The following SNTG1 variants were observed in gnomAD, a reference collection of about 807,000 sequenced individuals.
SNTG1 encodes syntrophin gamma 1, also known as gamma-1-syntrophin.
In SNTG1, 39 loss-of-function variants were observed where a neutral mutation model predicts 74.7. That is an observed-to-expected ratio of 0.52 (90% CI 0.40 to 0.68). SNTG1 has a LOEUF of 0.68. Among genes scored for constraint, SNTG1 ranks in the 30% least tolerant of loss-of-function variants. The pLI, the probability that SNTG1 is intolerant of heterozygous loss-of-function variation, is 0.00. For missense variants in SNTG1, 685 were observed against 609.5 expected, an observed-to-expected ratio of 1.12 and a Z score of -1.30; for synonymous variants, 254 against 217.1, an observed-to-expected ratio of 1.17 and a Z score of -1.49.
intron 1 of SNTG1, among the ~76,000 whole-genome samples, chr8:50,114,855 C>T (rs2080750121): frequency 6.6e-6 from 1 of 152,054 alleles, no homozygotes; most frequent in East Asian, 1.9e-4. Flanking sequence ...CAGAGTGAGA[C>T]TCCATCTCTA....
chr8:50,621,521 T>C lies in SNTG1; in HGVS notation c.849+30604T>C, dbSNP rs1490922133. Reference sequence around the variant, plus strand: ...TTAGAGTTAATAAAAAGCAAAGATATCAATTGCTTTCTAGTTATTTTTAGA... The same window carrying C: ...TTAGAGTTAATAAAAAGCAAAGATACCAATTGCTTTCTAGTTATTTTTAGA... On this transcript the variant is annotated intron_variant, in intron 13 of 18. Transcript: ENST00000642720. 3.3e-5 allele frequency among the ~76,000 whole-genome samples: 5 copies of C among 152,244 alleles called. 1 individual carries two copies. The highest frequency in any genetic ancestry group is 7.3e-5 in the Non-Finnish European group (5 of 68,046).
At chr8:50,406,042 T>G (rs2092871064) in intron 4 of SNTG1, among the ~76,000 whole-genome samples, 1 of 152,158 alleles carries the variant, frequency 6.6e-6, no homozygotes, top group South Asian at 2.1e-4. Context: ...CCTTAAGATC[T>G]CAAATAAATT....
At chr8:50,247,996 T>C (rs1429163462) in intron 2 of SNTG1, among the ~76,000 whole-genome samples, 1 of 152,160 alleles carries the variant, frequency 6.6e-6, no homozygotes, top group Non-Finnish European at 1.5e-5. Flanking sequence ...GGCTTATATA[T>C]GGTTATGGTC....
chr8:50,355,071 G>A (rs1377664822), intron 2 of SNTG1, among the ~76,000 whole-genome samples: 1 of 152,114 alleles, frequency 6.6e-6, no homozygotes, highest in African/African-American at 2.4e-5. Flanking sequence ...TGAGTTCGGG[G>A]AGGTGTGGAA....
intron 1 of SNTG1, among the ~76,000 whole-genome samples, chr8:50,030,569 C>T (rs1817658005): frequency 6.6e-6 from 1 of 151,800 alleles, no homozygotes; most frequent in African/African-American, 2.4e-5. Context: ...CTATGGATAG[C>T]CAATTGTTCT....
intron 18 of SNTG1, among the ~76,000 whole-genome samples, chr8:50,787,736 G>C (rs996111244): frequency 6.6e-6 from 1 of 151,922 alleles, no homozygotes; most frequent in Non-Finnish European, 1.5e-5. Context: ...AGTGAACGTA[G>C]ATAATCACAA....
chr8:50,487,032 G>A (rs143552944), intron 8 of SNTG1, among the ~76,000 whole-genome samples: 3,516 of 152,240 alleles, frequency 0.023, 125 homozygotes, highest in African/African-American at 0.077. Context: ...GCTTTTTGAT[G>A]TGCTGCTGGA....
At chr8:50,508,848 A>C (rs2094035585) in intron 9 of SNTG1, among the ~76,000 whole-genome samples, 1 of 150,368 alleles carries the variant, frequency 6.7e-6, no homozygotes, top group African/African-American at 2.4e-5. Flanking sequence ...AGATTGCAAA[A>C]ATTTTCTCCC....
chr8:50,584,333 A>C (rs996555788), intron 12 of SNTG1, among the ~76,000 whole-genome samples: 3 of 151,216 alleles, frequency 2.0e-5, no homozygotes, highest in Non-Finnish European at 4.4e-5. Flanking sequence ...TCCTTGAGGA[A>C]TCACCACACT....
intron 1 of SNTG1, among the ~76,000 whole-genome samples, chr8:50,028,535 T>C (rs903957499): frequency 6.6e-6 from 1 of 151,314 alleles, no homozygotes; most frequent in African/African-American, 2.4e-5. Flanking sequence ...AAACTGCCAA[T>C]GTATTTTCAG....
At chr8:50,303,921 ATTTCTGCTACG>A (rs2089764474) in intron 2 of SNTG1, among the ~76,000 whole-genome samples, 2 of 134,618 alleles carry the variant, frequency 1.5e-5, no homozygotes, top group Non-Finnish European at 3.3e-5. Context: ...GCTTTCTTCT[ATTTCTGCTACG>A]TACAGTAGAA....
chr8:50,140,429 A>G (rs768659798), intron 1 of SNTG1, among the ~76,000 whole-genome samples: 14 of 152,052 alleles, frequency 9.2e-5, no homozygotes, highest in Non-Finnish European at 1.9e-4. Context: ...GTGTGTATGT[A>G]CGGTGTGTAT....
intron 13 of SNTG1, among the ~76,000 whole-genome samples, chr8:50,602,895 A>G (rs1279451001): frequency 6.9e-6 from 1 of 145,318 alleles, no homozygotes; most frequent in Non-Finnish European, 1.5e-5. Context: ...CTCCACTGTA[A>G]GGTATTTTTT....
At chr8:49,953,304 C>G (rs1032898566) in intron 1 of SNTG1, among the ~76,000 whole-genome samples, 6 of 152,338 alleles carry the variant, frequency 3.9e-5, no homozygotes, top group Admixed American at 2.0e-4. Context: ...GAACTTCAGT[C>G]TTCTCTCCAG....
chr8:50,791,294 A>G (rs2095690019), intron 18 of SNTG1, among the ~76,000 whole-genome samples: 1 of 151,874 alleles, frequency 6.6e-6, no homozygotes, highest in Non-Finnish European at 1.5e-5. Flanking sequence ...GGAGTTACTA[A>G]AAACTTTTTT....
At chr8:50,433,423 G>A (rs1439547654) in intron 4 of SNTG1, among the ~76,000 whole-genome samples, 1 of 151,284 alleles carries the variant, frequency 6.6e-6, no homozygotes, top group Non-Finnish European at 1.5e-5. Flanking sequence ...TCCCAATCTT[G>A]CAGGGAAAAT....
chr8:50,412,779 C>A (rs1408208407), intron 4 of SNTG1, among the ~76,000 whole-genome samples: 1 of 152,084 alleles, frequency 6.6e-6, no homozygotes, highest in South Asian at 2.1e-4. Flanking sequence ...TACCAATTAC[C>A]AAACTGTTAA....
intron 8 of SNTG1, among the ~76,000 whole-genome samples, chr8:50,485,595 A>G (rs1020924161): frequency 1.3e-5 from 2 of 148,778 alleles, no homozygotes; most frequent in Non-Finnish European, 3.0e-5. Context: ...AGTAGGTTGC[A>G]AAAATTTTCT....
At chr8:50,188,106 T>C (rs1220542637) in intron 2 of SNTG1, among the ~76,000 whole-genome samples, 1 of 152,178 alleles carries the variant, frequency 6.6e-6, no homozygotes, top group African/African-American at 2.4e-5. Flanking sequence ...AAAATATTGG[T>C]CTACTGAATC....
Sources: allele counts gnomAD v4.1 joint callset (sites outside exome capture counted in the v4.1 genomes callset), GRCh38; gene constraint gnomAD v4.1.1; transcripts MANE v1.5; gene names NCBI Gene and HGNC (gene_info 2026-07-23, HGNC 2026-07-21).